Variants in SP110 observed in about 807,000 individuals in gnomAD.
SP110 encodes SP110 nuclear body protein.
SP110 carries 62 observed loss-of-function variants against 92.7 expected under a neutral mutation model. That is an observed-to-expected ratio of 0.67 (90% CI 0.55 to 0.83). The LOEUF is 0.83. Among genes scored for constraint, SP110 ranks in the 40% least tolerant of loss-of-function variants. The pLI is 0.00. For missense variants in SP110, 793 were observed against 863.9 expected, an observed-to-expected ratio of 0.92 and a Z score of 1.03; for synonymous variants, 273 against 305.3, an observed-to-expected ratio of 0.89 and a Z score of 1.10.
chr2:230,183,445 C>T, intron 12 of SP110, 127 bp downstream of exon 12: 1 of 772,736 alleles, frequency 1.3e-6, no homozygotes, highest in East Asian at 2.4e-5. Context: ...TCAGCTGGTA[C>T]CCATGACGGT....
upstream of SP110, among the ~76,000 whole-genome samples, chr2:230,222,733 C>T (rs1469635104): frequency 1.3e-5 from 2 of 150,926 alleles, no homozygotes; most frequent in Admixed American, 6.6e-5. Context: ...TTCTGTTACC[C>T]TAGAAAGTTC....
chr2:230,184,268 A>AG (rs1194340771), intron 11 of SP110, among the ~76,000 whole-genome samples: 2 of 152,328 alleles, frequency 1.3e-5, no homozygotes, highest in Non-Finnish European at 2.9e-5. Context: ...CTGCTTATAA[A>AG]GGGGGGCTAC....
chr2:230,188,494 A>T (rs1027264178), intron 10 of SP110, among the ~76,000 whole-genome samples: 1 of 151,808 alleles, frequency 6.6e-6, no homozygotes, highest in Non-Finnish European at 1.5e-5. Context: ...CTCTTTTCTG[A>T]TTGTTCTGGC....
chr2:230,174,805 G>A (rs529294734), intron 14 of SP110, among the ~76,000 whole-genome samples: 1 of 152,386 alleles, frequency 6.6e-6, no homozygotes, highest in Middle Eastern at 3.4e-3. Flanking sequence ...AGTGGAGACA[G>A]ACGGACGTGC....
At position 230,211,943 on chromosome 2, in the gene SP110, GGACAAGT is replaced by G. The variant is rs2044530365; in HGVS notation, c.667+397_668-391del. ...CTCCATTATGATGATGGTTTGGGGA[GGACAAGT>G]GATACAATTTGAGAAGCTAAATATT... On this transcript the variant is annotated intron_variant, in intron 5 of 18. Transcript: ENST00000258381. This position sits in a 1 kb window ranked among gnomAD's most constrained non-coding sequence, Gnocchi z 4.2. Among the ~76,000 whole-genome samples the G allele has an allele frequency of 6.6e-6, 1 of 152,096 alleles. No individual in the cohort carries two copies. The highest frequency in any genetic ancestry group is 2.4e-5 in the African/African-American group (1 of 41,406).
intron 12 of SP110, among the ~76,000 whole-genome samples, chr2:230,180,812 C>T (rs191734656): frequency 9.2e-5 from 14 of 152,268 alleles, no homozygotes; most frequent in African/African-American, 1.4e-4. Context: ...CAACGTTTGC[C>T]GGGGCTCCTG....
chr2:230,202,900 T>C, intron 8 of SP110, 172 bp from the exon 9 acceptor site: 3 of 662,748 alleles, frequency 4.5e-6, no homozygotes, highest in Non-Finnish European at 8.0e-6. Context: ...TCCTTCTTCT[T>C]ATGTGTACCT....
In SP110 at chr2:230,178,355, G is replaced by A. The variant is rs533004531; in HGVS notation, c.1349-100C>T. 11 of 741,012 alleles carry A rather than the reference G, an allele frequency of 1.5e-5. No homozygotes were observed. In the East Asian group the frequency reaches 2.7e-4, roughly 18 times the overall value. The allele number at this position is 741,012 out of a possible 1,614,324, so 45.9% of individuals were successfully genotyped here. On this transcript the variant is annotated intron_variant, in intron 12 of 18. Transcript: ENST00000258381. ...ATTCCAATAATGTACAGGGTATTGG[G>A]GAACGTTCTCTGGTTAGTTTGCAGG...
chr2:230,204,449 T>C (rs926170314), intron 8 of SP110, among the ~76,000 whole-genome samples: 1 of 152,164 alleles, frequency 6.6e-6, no homozygotes, highest in Non-Finnish European at 1.5e-5. Flanking sequence ...GAGAATTGTA[T>C]TGGAAATTTC....
At chr2:230,195,870 A>G (rs964603637) in intron 10 of SP110, among the ~76,000 whole-genome samples, 3 of 152,194 alleles carry the variant, frequency 2.0e-5, no homozygotes, top group Non-Finnish European at 4.4e-5. Flanking sequence ...TACATAGCAT[A>G]TAGAAGGTTA....
Position 230,183,735 on chromosome 2 carries a change from C to G in SP110, c.1280-95G>C, listed in dbSNP as rs1290886221. 87 of 877,018 alleles carry G rather than the reference C, an allele frequency of 9.9e-5. No homozygotes were observed. The East Asian group carries it at 2.1e-3, about 21-fold the overall frequency. 54.3% of individuals were successfully genotyped at this position (877,018 alleles called of 1,614,324 possible). A position where few individuals can be genotyped will look rare whatever the true frequency, so the allele number is the denominator to read the frequency against. On this transcript the variant is annotated intron_variant, in intron 11 of 18. Transcript: ENST00000258381. Reference sequence around the variant, plus strand: ...TCAAGCATTTTTTCCTGTTTTTCTACCAGTTTGGAGAGACAAGTTACATAT... The same window carrying G: ...TCAAGCATTTTTTCCTGTTTTTCTAGCAGTTTGGAGAGACAAGTTACATAT...
intron 8 of SP110, among the ~76,000 whole-genome samples, chr2:230,207,123 C>T (rs913312642): frequency 5.9e-5 from 9 of 152,254 alleles, no homozygotes; most frequent in Middle Eastern, 6.8e-3. Context: ...GGATCTTTTC[C>T]ATTTTATCTC....
At chr2:230,191,579 C>G (rs1456529769) in intron 10 of SP110, among the ~76,000 whole-genome samples, 2 of 152,038 alleles carry the variant, frequency 1.3e-5, no homozygotes, top group South Asian at 2.1e-4. Context: ...CAAGACTAAA[C>G]CAGGAAGAAG....
intron 12 of SP110, among the ~76,000 whole-genome samples, chr2:230,181,656 C>T (rs2042132362): frequency 6.6e-6 from 1 of 152,166 alleles, no homozygotes; most frequent in Non-Finnish European, 1.5e-5. Flanking sequence ...TGAACAGACA[C>T]TTCTCAAAAG....
At chr2:230,198,069 G>T (rs1457383989) in intron 10 of SP110, among the ~76,000 whole-genome samples, 1 of 152,206 alleles carries the variant, frequency 6.6e-6, no homozygotes, top group East Asian at 1.9e-4. Flanking sequence ...ATTGAAAAGT[G>T]TATTTCTCTA....
At chr2:230,202,448 AC>A in intron 9 of SP110, 130 bp downstream of exon 9, 1 of 802,122 alleles carries the variant, frequency 1.2e-6, no homozygotes. Context: ...CTCTTGTTAT[AC>A]CCCATCCTCA....
intron 10 of SP110, among the ~76,000 whole-genome samples, chr2:230,195,541 G>A (rs1255803861): frequency 6.6e-6 from 1 of 152,012 alleles, no homozygotes; most frequent in African/African-American, 2.4e-5. Context: ...TGTTGGCCAG[G>A]CTGGTCTTGA....
In SP110 at chr2:230,195,350, T is replaced by C. The variant is rs140910431; in HGVS notation, c.1129+5535A>G. ...TAATATATGTCATTTAAAAAGTTTT[T>C]TGGGGACAGAGTCTTGTTCTGTTAT... On this transcript the variant is annotated intron_variant, in intron 10 of 18. Transcript: ENST00000258381. 2.3e-3 allele frequency among the ~76,000 whole-genome samples: 352 copies of C among 152,264 alleles called. 2 individuals carry two copies. The highest frequency in any genetic ancestry group is 2.5e-3 in the Non-Finnish European group (169 of 68,012).
chr2:230,172,319 G>T, intron 15 of SP110, 145 bp from the exon 16 acceptor site: 1 of 716,460 alleles, frequency 1.4e-6, no homozygotes. Context: ...TCCCCACATG[G>T]GGTCTCCAGC....
Sources: allele counts gnomAD v4.1 joint callset (sites outside exome capture counted in the v4.1 genomes callset), GRCh38; gene constraint gnomAD v4.1.1; non-coding constraint Gnocchi (gnomAD v3.1); transcripts MANE v1.5; gene names NCBI Gene and HGNC (gene_info 2026-07-23, HGNC 2026-07-21).